Variants in GRIN2B observed in about 807,000 individuals in gnomAD.
The protein encoded by GRIN2B is glutamate receptor ionotropic, NMDA 2B.
GRIN2B carries 5 observed loss-of-function variants against 114.5 expected under a neutral mutation model. The ratio of observed to expected loss-of-function variants is 0.04; its 90% CI spans 0.02 to 0.09. The LOEUF (loss-of-function observed/expected upper bound fraction) is 0.09. Ranked by LOEUF, GRIN2B falls within the 10% of genes least tolerant of loss-of-function variation. The pLI, the probability that GRIN2B is intolerant of heterozygous loss-of-function variation, is 1.00. For missense variants in GRIN2B, 1,108 were observed against 1,943.5 expected (o/e 0.57, Z 8.08); for synonymous variants, 787 against 745.1 (o/e 1.06, Z -0.92).
intron 2 of GRIN2B, among the ~76,000 whole-genome samples, chr12:13,911,179 C>T (rs1213747669): frequency 2.6e-5 from 4 of 151,668 alleles, no homozygotes; most frequent in Non-Finnish European, 5.9e-5. Flanking sequence ...TTTTGTATCT[C>T]GAACATTTAG....
intron 8 of GRIN2B, among the ~76,000 whole-genome samples, chr12:13,612,747 A>G (rs1949381895): frequency 6.6e-6 from 1 of 152,172 alleles, no homozygotes; most frequent in African/African-American, 2.4e-5. Flanking sequence ...TATATTCCAG[A>G]AGCCATCTCT....
At chr12:13,781,227 C>G (rs1864107370) in intron 3 of GRIN2B, among the ~76,000 whole-genome samples, 2 of 152,130 alleles carry the variant, frequency 1.3e-5, no homozygotes, top group Admixed American at 1.3e-4. Context: ...TGGCAAGAAT[C>G]AAACTTCAAA....
rs1234625626 is a variant in GRIN2B at position 13,753,355 on chromosome 12, G to A, written c.972C>T (p.Thr324=). 3 of 1,610,274 alleles carry A rather than the reference G, an allele frequency of 1.9e-6. No homozygotes were observed. In the African/African-American group the frequency reaches 4.0e-5, roughly 22 times the overall value. ...IPEPKSSCYN[T]HEKRIYQSNM... is the part of the protein sequence containing the mutation. The stretch of plus-strand genomic sequence containing the variant: ...TGGACTGGTAGATTCTCTTCTCGTG[G>A]GTGTTGTAACAACTGCTTTTGGGCT... The change falls in exon 4 of 14, where the codon ACC becomes ACT. Residue 324 remains threonine, a synonymous_variant. Transcript: ENST00000609686. The surrounding 1 kb of genome is among the most constrained non-coding windows in gnomAD (Gnocchi z 6.2).
intron 3 of GRIN2B, among the ~76,000 whole-genome samples, chr12:13,774,771 T>C (rs1051845454): frequency 9.9e-5 from 15 of 152,150 alleles, no homozygotes; most frequent in Non-Finnish European, 4.4e-5. Flanking sequence ...AAAGGCCCTT[T>C]CCTAGGCACA....
chr12:13,934,732 C>T (rs73059647), intron 2 of GRIN2B, among the ~76,000 whole-genome samples: 12,406 of 144,606 alleles, frequency 0.086, 733 homozygotes, highest in Middle Eastern at 0.13. Flanking sequence ...TGAGTCCTGA[C>T]GCCTGGCTTC....
chr12:13,611,242 G>A (rs1257765562), intron 9 of GRIN2B, among the ~76,000 whole-genome samples: 2 of 152,088 alleles, frequency 1.3e-5, no homozygotes, highest in African/African-American at 2.4e-5. Flanking sequence ...TGAACCAGGG[G>A]CATATGCTTT....
At chr12:13,784,996 C>T (rs1352814116) in intron 3 of GRIN2B, among the ~76,000 whole-genome samples, 1 of 152,238 alleles carries the variant, frequency 6.6e-6, no homozygotes, top group Middle Eastern at 3.2e-3. Flanking sequence ...ATAACAATAG[C>T]AAACTAACAC....
intron 10 of GRIN2B, among the ~76,000 whole-genome samples, chr12:13,580,608 A>T (rs1948834807): frequency 6.6e-6 from 1 of 152,250 alleles, no homozygotes; most frequent in African/African-American, 2.4e-5. Flanking sequence ...AATTATGAGG[A>T]GGTGGCAGCA....
chr12:13,939,276 A>G (rs1039871026), intron 2 of GRIN2B, among the ~76,000 whole-genome samples: 2 of 152,120 alleles, frequency 1.3e-5, no homozygotes, highest in Non-Finnish European at 2.9e-5. Flanking sequence ...TGTGATCCCC[A>G]GTGTTGGAGG....
Position 13,553,568 on chromosome 12 carries a change from G to C in GRIN2B, c.*9215C>G, listed in dbSNP as rs2193149. 5 of 152,200 alleles carry C rather than the reference G, an allele frequency of 3.3e-5. No homozygotes were observed. The South Asian group carries it at 1.0e-3, about 32-fold the overall frequency. The allele number at this position is 152,200 out of a possible 1,614,324, so 9.4% of individuals were successfully genotyped here. On this transcript the variant is annotated 3_prime_UTR_variant, in exon 14 of 14. Coordinates refer to ENST00000609686, the MANE Select transcript of GRIN2B (RefSeq NM_000834.5). Reference sequence around the variant, plus strand: ...CCAAGGCCACAAATGTGGAAGTAGCGTGTGGTGAAATACAGTGGTCCTGTT... The same window carrying C: ...CCAAGGCCACAAATGTGGAAGTAGCCTGTGGTGAAATACAGTGGTCCTGTT...
intron 5 of GRIN2B, among the ~76,000 whole-genome samples, chr12:13,660,593 T>C (rs1949912238): frequency 6.6e-6 from 1 of 152,072 alleles, no homozygotes; most frequent in Non-Finnish European, 1.5e-5. Flanking sequence ...GAAGAAGAGG[T>C]TCACTAGAGC....
intron 10 of GRIN2B, among the ~76,000 whole-genome samples, chr12:13,607,206 A>G (rs956475906): frequency 3.5e-5 from 4 of 114,260 alleles, no homozygotes; most frequent in Non-Finnish European, 6.7e-5. Context: ...TATATATAAT[A>G]TATAAAATAT....
intron 12 of GRIN2B, among the ~76,000 whole-genome samples, chr12:13,569,087 T>TGAAA (rs575654582): frequency 5.3e-4 from 80 of 152,166 alleles, no homozygotes; most frequent in Non-Finnish European, 9.3e-4. Context: ...GATGACTGGA[T>TGAAA]GAAACATCTA....
chr12:13,728,129 G>A (rs1010565535), intron 4 of GRIN2B, among the ~76,000 whole-genome samples: 3 of 152,164 alleles, frequency 2.0e-5, no homozygotes, highest in Non-Finnish European at 2.9e-5. Flanking sequence ...AACATGGTTG[G>A]CACTCAGGAA....
chr12:13,641,072 CTTATTATTATTA>C (rs139395602), intron 5 of GRIN2B, among the ~76,000 whole-genome samples: 1 of 149,396 alleles, frequency 6.7e-6, no homozygotes, highest in Non-Finnish European at 1.5e-5. Context: ...TTGTATCATG[CTTATTATTATTA>C]TTATTATTAT....
chr12:13,934,771 G>A (rs1249738216), intron 2 of GRIN2B, among the ~76,000 whole-genome samples: 1 of 144,124 alleles, frequency 6.9e-6, no homozygotes, highest in African/African-American at 3.0e-5. Context: ...CTCCTCAGGA[G>A]TGATGCTCAC....
intron 4 of GRIN2B, among the ~76,000 whole-genome samples, chr12:13,715,493 A>C (rs1270748436): frequency 6.6e-6 from 1 of 151,982 alleles, no homozygotes; most frequent in Non-Finnish European, 1.5e-5. Flanking sequence ...AGGAAAAGTA[A>C]CATGCAGTAA....
intron 2 of GRIN2B, among the ~76,000 whole-genome samples, chr12:13,906,234 G>T (rs1565582178): frequency 6.6e-6 from 1 of 152,132 alleles, no homozygotes; most frequent in Non-Finnish European, 1.5e-5. Context: ...TTATGCCTCT[G>T]TCACTTAACA....
intron 2 of GRIN2B, among the ~76,000 whole-genome samples, chr12:13,904,684 A>G (rs1264223667): frequency 6.6e-6 from 1 of 152,046 alleles, no homozygotes; most frequent in East Asian, 1.9e-4. Flanking sequence ...CAAATCTTTA[A>G]AACTTTTATT....
Sources: gnomAD v4.1 joint callset for allele counts (sites outside exome capture counted in the v4.1 genomes callset) on GRCh38, gnomAD v4.1.1 for gene constraint, Gnocchi (gnomAD v3.1) non-coding constraint, MANE v1.5 for transcripts, NCBI Gene and HGNC (gene_info 2026-07-23, HGNC 2026-07-21) for gene names.